The following FSTL4 variants were observed in gnomAD, a reference collection of about 807,000 sequenced individuals.
FSTL4 encodes the protein follistatin like 4.
FSTL4 carries 28 observed loss-of-function variants against 78.2 expected under a neutral mutation model. The ratio of observed to expected loss-of-function variants is 0.36; its 90% confidence interval spans 0.27 to 0.49. FSTL4 has a LOEUF of 0.49. Among genes scored for constraint, FSTL4 ranks in the 20% least tolerant of loss-of-function variants. The probability of loss-of-function intolerance (pLI) is 0.98; values close to 1 mark genes in which losing one functional copy is unlikely to be tolerated. For synonymous variants in FSTL4, 422 were observed against 440.5 expected, an observed-to-expected ratio of 0.96 and a Z score of 0.53; for missense variants, 922 against 1,084.9, an observed-to-expected ratio of 0.85 and a Z score of 2.11.
intron 3 of FSTL4, among the ~76,000 whole-genome samples, chr5:133,447,307 A>G (rs1036873513): frequency 6.6e-6 from 1 of 151,684 alleles, no homozygotes; most frequent in African/African-American, 2.4e-5. Context: ...CCTTTAAACC[A>G]CTCTACTATT....
intron 3 of FSTL4, among the ~76,000 whole-genome samples, chr5:133,470,314 T>C (rs568636117): frequency 1.3e-5 from 2 of 152,128 alleles, no homozygotes; most frequent in Non-Finnish European, 2.9e-5. Context: ...AGATAATCCA[T>C]GTGACAGAAG....
At chr5:133,505,637 TTC>T (rs1208971748) in intron 3 of FSTL4, among the ~76,000 whole-genome samples, 3 of 152,250 alleles carry the variant, frequency 2.0e-5, no homozygotes, top group Non-Finnish European at 4.4e-5. Context: ...TTGGAATAAA[TTC>T]TCTGTCTTAT....
At chr5:133,576,449 A>C (rs1000421091) in intron 2 of FSTL4, among the ~76,000 whole-genome samples, 1 of 152,240 alleles carries the variant, frequency 6.6e-6, no homozygotes, top group African/African-American at 2.4e-5. Context: ...CACACTGAGA[A>C]GAGAATGCAA....
chr5:133,555,203 T>C (rs1160659025), intron 3 of FSTL4, among the ~76,000 whole-genome samples: 2 of 152,250 alleles, frequency 1.3e-5, no homozygotes, highest in African/African-American at 4.8e-5. Context: ...ATACCCCAGG[T>C]ATGGGATCAT....
At position 133,224,189 on chromosome 5, in the gene FSTL4, C is replaced by T; in HGVS notation, c.1339+1G>A. ...TGACGCAAAACAATGAAGCTTGGTA[C>T]CTTCCTCTCGCCACAGGATGTTTGC... On this transcript the variant is annotated splice_donor_variant, in intron 11 of 15. Coordinates refer to ENST00000265342, the MANE Select transcript of FSTL4 (RefSeq NM_015082.2). LOFTEE classifies it high-confidence loss of function. 1.9e-6 allele frequency: 3 copies of T among 1,612,292 alleles called. No individual in the cohort carries two copies. Among genetic ancestry groups the T allele is most frequent in the Non-Finnish European group, 2.5e-6 (3 of 1,178,512 alleles).
At chr5:133,536,744 C>A (rs951357926) in intron 3 of FSTL4, among the ~76,000 whole-genome samples, 1 of 151,988 alleles carries the variant, frequency 6.6e-6, no homozygotes, top group Non-Finnish European at 1.5e-5. Flanking sequence ...AACTGTAATT[C>A]ATTCATTTTC....
At chr5:133,518,065 A>G (rs1038001219) in intron 3 of FSTL4, among the ~76,000 whole-genome samples, 1 of 152,244 alleles carries the variant, frequency 6.6e-6, no homozygotes, top group African/African-American at 2.4e-5. Context: ...CCAAGTGGAC[A>G]TACAAAATTA....
intron 13 of FSTL4, 140 bp downstream of exon 13, chr5:133,217,089 G>A (rs780602793): frequency 6.3e-6 from 4 of 639,700 alleles, no homozygotes; most frequent in Non-Finnish European, 1.1e-5. Context: ...AATACTTCAC[G>A]AATAATTACA....
At chr5:133,725,218 AT>A in the FSTL4 span, among the ~76,000 whole-genome samples, 1 of 152,218 alleles carries the variant, frequency 6.6e-6, no homozygotes, top group African/African-American at 2.4e-5. Context: ...TCCCATTTTC[AT>A]AAAAAATTTA....
At chr5:133,690,110 C>G in the FSTL4 span, among the ~76,000 whole-genome samples, 1 of 151,136 alleles carries the variant, frequency 6.6e-6, no homozygotes, top group Admixed American at 6.6e-5. Flanking sequence ...CTTCCCCTGA[C>G]CTCCCCACCG....
chr5:133,201,297 G>A (rs892230075), intron 15 of FSTL4, among the ~76,000 whole-genome samples: 1 of 152,186 alleles, frequency 6.6e-6, no homozygotes, highest in East Asian at 1.9e-4. Flanking sequence ...GCTGGGCCGA[G>A]GTCTGCAGTT....
the FSTL4 span, among the ~76,000 whole-genome samples, chr5:133,711,074 G>A: frequency 6.6e-6 from 1 of 152,220 alleles, no homozygotes; most frequent in African/African-American, 2.4e-5. Context: ...ACCTGGTCGT[G>A]TTCTCAGTCA....
the FSTL4 span, among the ~76,000 whole-genome samples, chr5:133,722,717 C>T: frequency 2.0e-5 from 3 of 152,102 alleles, 1 homozygote; most frequent in Non-Finnish European, 4.4e-5. Flanking sequence ...GTGGTATAAT[C>T]GGCTCTCTCA....
intron 3 of FSTL4, among the ~76,000 whole-genome samples, chr5:133,520,059 A>G (rs1368694774): frequency 1.2e-4 from 19 of 152,110 alleles, no homozygotes; most frequent in Admixed American, 1.2e-3. Context: ...GGGTTTCCGT[A>G]TTTCTTTTCT....
intron 4 of FSTL4, among the ~76,000 whole-genome samples, chr5:133,330,084 T>C (rs1421668873): frequency 6.6e-6 from 1 of 152,170 alleles, no homozygotes; most frequent in Non-Finnish European, 1.5e-5. Context: ...GTGTAACAGG[T>C]TCTGTTTGCA....
At chr5:133,325,273 G>A (rs1032558668) in intron 4 of FSTL4, among the ~76,000 whole-genome samples, 4 of 152,154 alleles carry the variant, frequency 2.6e-5, no homozygotes, top group African/African-American at 7.2e-5. Flanking sequence ...ATCAGTAAAT[G>A]AACAGAGCCG....
intron 3 of FSTL4, among the ~76,000 whole-genome samples, chr5:133,488,782 T>G (rs1758193319): frequency 6.6e-6 from 1 of 152,104 alleles, no homozygotes. Flanking sequence ...TGGCTGCAAA[T>G]GAGCCATGAG....
chr5:133,451,337 G>A (rs1326194720), intron 3 of FSTL4, among the ~76,000 whole-genome samples: 1 of 152,200 alleles, frequency 6.6e-6, no homozygotes, highest in Admixed American at 6.5e-5. Flanking sequence ...GAGGCGTGCG[G>A]ATTACCTGAG....
Position 133,611,006 on chromosome 5 carries a change from T to C in FSTL4, c.-11+1319A>G, listed in dbSNP as rs1761077832. Among the ~76,000 whole-genome samples, 1 of 152,178 alleles carries C rather than the reference T, an allele frequency of 6.6e-6. No individual in the cohort carries two copies. Among genetic ancestry groups the C allele is most frequent in the South Asian group, 2.1e-4 (1 of 4,822 alleles). On this transcript the variant is annotated intron_variant, in intron 1 of 15. Coordinates refer to ENST00000265342, the MANE Select transcript of FSTL4 (RefSeq NM_015082.2). This position sits in a 1 kb window ranked among gnomAD's most constrained non-coding sequence, Gnocchi z 4.9. The stretch of plus-strand genomic sequence containing the variant: ...CGGGGGCCCCATCTAGTACAATTCC[T>C]GGTGCACAGGCTTGCAACAAATTTA...
Sources: gnomAD v4.1 joint callset for allele counts (sites outside exome capture counted in the v4.1 genomes callset) on GRCh38, gnomAD v4.1.1 for gene constraint, Gnocchi (gnomAD v3.1) non-coding constraint, MANE v1.5 for transcripts, NCBI Gene and HGNC (gene_info 2026-07-23, HGNC 2026-07-21) for gene names.